TMEM230: variants seen among roughly 807,000 people sequenced by gnomAD.
TMEM230 encodes the protein transmembrane protein 230.
Under a neutral mutation model 15.8 loss-of-function variants are expected in TMEM230, and 10 were observed. The observed-to-expected ratio is 0.63, with a 90% CI of 0.39 to 1.07. The LOEUF is 1.07. Among genes scored for constraint, TMEM230 ranks in the 50% least tolerant of loss-of-function variants. The pLI is 0.01. For missense variants in TMEM230, 165 were observed against 193.3 expected (o/e 0.85, Z 0.87); for synonymous variants, 67 against 76.9 (o/e 0.87, Z 0.68).
chr20:5,105,164 A>G (rs1162074927), intron 4 of TMEM230, among the ~76,000 whole-genome samples: 1 of 152,128 alleles, frequency 6.6e-6, no homozygotes, highest in Non-Finnish European at 1.5e-5. Flanking sequence ...TTGCCACCAT[A>G]GTCCCAGCTA....
intron 3 of TMEM230, among the ~76,000 whole-genome samples, chr20:5,071,733 C>T (rs750120056): frequency 1.3e-5 from 2 of 151,728 alleles, no homozygotes; most frequent in Non-Finnish European, 2.9e-5. Context: ...ATATACAGGA[C>T]GTAGAAAAAT....
rs551210413 is a variant in TMEM230 at position 5,110,592 on chromosome 20, G to T, written c.174+908C>A. Among the ~76,000 whole-genome samples, 131 of 152,260 alleles carry T rather than the reference G, an allele frequency of 8.6e-4. 1 individual carries two copies. The highest frequency in any genetic ancestry group is 3.0e-3 in the African/African-American group (125 of 41,556). On this transcript the variant is annotated intron_variant, in intron 2 of 4. Coordinates refer to ENST00000342308, the MANE Select transcript of TMEM230 (RefSeq NM_001009923.2). ...CTGTGCCGGGCCCCTTGTAAATTTGGATACAGGCCTGGCTATACTAGTGCC... is the reference window on the plus strand; with the variant it reads ...CTGTGCCGGGCCCCTTGTAAATTTGTATACAGGCCTGGCTATACTAGTGCC...
At chr20:5,094,310 T>C in intron 3 of TMEM230, among the ~76,000 whole-genome samples, 1 of 151,542 alleles carries the variant, frequency 6.6e-6, no homozygotes. Flanking sequence ...CAGTGGACCA[T>C]CACAGGTCAC....
intron 3 of TMEM230, among the ~76,000 whole-genome samples, chr20:5,108,835 A>G (rs946882756): frequency 6.6e-6 from 1 of 152,202 alleles, no homozygotes; most frequent in African/African-American, 2.4e-5. Flanking sequence ...TATTTATCAC[A>G]AAGAATACCT....
chr20:5,108,474 T>C (rs368083402), intron 3 of TMEM230, among the ~76,000 whole-genome samples: 1 of 151,424 alleles, frequency 6.6e-6, no homozygotes, highest in East Asian at 1.9e-4. Flanking sequence ...TCCAAATGAT[T>C]AGTTGTTTGT....
At chr20:5,110,189 T>G (rs377540875) in intron 2 of TMEM230, among the ~76,000 whole-genome samples, 1 of 66,560 alleles carries the variant, frequency 1.5e-5, no homozygotes, top group Non-Finnish European at 4.4e-5. Context: ...CCCGAGTAGT[T>G]GGGATTATAG....
intron 3 of TMEM230, among the ~76,000 whole-genome samples, chr20:5,108,584 A>C (rs192823194): frequency 6.6e-6 from 1 of 152,348 alleles, no homozygotes; most frequent in African/African-American, 2.4e-5. Flanking sequence ...TATCTGACCT[A>C]AGTGGCTGGA....
In TMEM230 at chr20:5,074,661, G is replaced by A. The variant is rs148167068; in HGVS notation, c.223-5312C>T. 5.3e-3 allele frequency among the ~76,000 whole-genome samples: 796 copies of A among 150,452 alleles called. 6 individuals carry two copies. The highest frequency in any genetic ancestry group is 0.019 in the African/African-American group (754 of 39,856). On this transcript the variant is annotated intron_variant, in intron 3 of 3. Coordinates refer to the TMEM230 transcript ENST00000612323. ...ATAGAATTTAAGAGTAGAGGAGACC[G>A]GGCATGGTGGTACATGCTTGTAATC... is the stretch of plus-strand genomic sequence containing the variant.
chr20:5,111,001 G>A (rs1474902989), intron 2 of TMEM230: 1 of 152,058 alleles, frequency 6.6e-6, no homozygotes, highest in African/African-American at 2.4e-5. Flanking sequence ...GGCCAACATG[G>A]TGAAACCCCA....
At chr20:5,088,899 A>G (rs372206832) in intron 3 of TMEM230, among the ~76,000 whole-genome samples, 2 of 152,208 alleles carry the variant, frequency 1.3e-5, no homozygotes, top group African/African-American at 4.8e-5. Context: ...AATGACATCA[A>G]GTTCATCTGA....
chr20:5,072,494 AAG>A (rs2088859819), intron 3 of TMEM230, among the ~76,000 whole-genome samples: 1 of 151,838 alleles, frequency 6.6e-6, no homozygotes, highest in Non-Finnish European at 1.5e-5. Flanking sequence ...GCTGGTAGGA[AAG>A]AGTGTTTTTT....
chr20:5,104,272 C>T (rs1022664354), intron 4 of TMEM230, among the ~76,000 whole-genome samples: 11 of 152,198 alleles, frequency 7.2e-5, no homozygotes, highest in Admixed American at 3.9e-4. Context: ...GTTGCGCAGG[C>T]TGGTCTCGAA....
intron 3 of TMEM230, among the ~76,000 whole-genome samples, chr20:5,108,932 T>C (rs780046267): frequency 6.6e-6 from 1 of 152,110 alleles, no homozygotes; most frequent in Non-Finnish European, 1.5e-5. Flanking sequence ...CCTTAAAAGG[T>C]GAACGGGCTT....
intron 2 of TMEM230, among the ~76,000 whole-genome samples, chr20:5,109,989 C>A (rs539187434): frequency 6.6e-6 from 1 of 152,290 alleles, no homozygotes; most frequent in Admixed American, 6.5e-5. Context: ...TGATAGAGAT[C>A]AACCTTTTAA....
downstream of TMEM230, among the ~76,000 whole-genome samples, chr20:5,097,691 A>G (rs2089703667): frequency 6.6e-6 from 1 of 152,068 alleles, no homozygotes; most frequent in African/African-American, 2.4e-5. Context: ...TCTGGAGTGC[A>G]GTGGTGTGAT....
rs1037612205 is a variant in TMEM230, at chr20:5,112,636, C to T, written c.68+325G>A. 1.0e-5 allele frequency: 13 copies of T among 1,278,174 alleles called. No homozygotes were observed. In the African/African-American group the frequency reaches 1.9e-4, roughly 18 times the overall value. The allele number at this position is 1,278,174 out of a possible 1,614,324, so 79.2% of individuals were successfully genotyped here. ...GGCTTTTTACCAGCTCACCGCTACC[C>T]CCAAACTCCCTCAGCACCTGAATGT... On this transcript the variant is annotated intron_variant, in intron 1 of 4. Coordinates refer to ENST00000342308, the MANE Select transcript of TMEM230 (RefSeq NM_001009923.2).
chr20:5,112,637 C>G (rs373170315), intron 1 of TMEM230: 2 of 1,283,796 alleles, frequency 1.6e-6, no homozygotes, highest in East Asian at 3.6e-5. Flanking sequence ...ACCGCTACCC[C>G]CAAACTCCCT....
chr20:5,089,934 G>A (rs1036623493), intron 3 of TMEM230, among the ~76,000 whole-genome samples: 2 of 151,996 alleles, frequency 1.3e-5, no homozygotes, highest in East Asian at 1.9e-4. Context: ...CAGGATAATC[G>A]CTTGAACCTG....
chr20:5,081,439 A>G (rs1352334323), intron 3 of TMEM230, among the ~76,000 whole-genome samples: 1 of 152,216 alleles, frequency 6.6e-6, no homozygotes, highest in African/African-American at 2.4e-5. Flanking sequence ...GGCAGCCCAC[A>G]TGGTTCTCAC....
Sources: allele counts gnomAD v4.1 joint callset (sites outside exome capture counted in the v4.1 genomes callset), GRCh38; gene constraint gnomAD v4.1.1; transcripts MANE v1.5; gene names NCBI Gene and HGNC (gene_info 2026-07-23, HGNC 2026-07-21).